Variants in WASHC2C observed in about 807,000 individuals in gnomAD.
The protein encoded by WASHC2C is WASH complex subunit 2C, also known as Vaccinia Penetration Factor.
A neutral mutation model predicts 142.2 loss-of-function variants in WASHC2C; 73 were observed. That is an observed-to-expected ratio of 0.51 (90% CI 0.43 to 0.62). WASHC2C has a LOEUF of 0.62. WASHC2C is among the 20% of genes least tolerant of loss of function. The pLI, the probability that WASHC2C is intolerant of heterozygous loss-of-function variation, is 0.00. For missense variants in WASHC2C, 969 were observed against 1,531.7 expected (o/e 0.63, Z 6.13); for synonymous variants, 337 against 565.5 (o/e 0.60, Z 5.73).
At chr10:45,784,272 A>ATATATATATATG (rs1564819860) in intron 23 of WASHC2C, among the ~76,000 whole-genome samples, 2 of 5,988 alleles carry the variant, frequency 3.3e-4, no homozygotes, top group Non-Finnish European at 4.9e-4. Flanking sequence ...ATATATATAT[A>ATATATATATATG]TATATATATA....
Position 45,750,785 on chromosome 10 carries a change from T to C in WASHC2C, c.878T>C (p.Leu293Pro), listed in dbSNP as rs2053486263. The stretch of plus-strand genomic sequence containing the variant: ...AGACCTACATCGTTTGCAGATGAGC[T>C]GGCTGCCCGCATCAAGGGGGATGCC... Reference protein sequence around the residue: ...RSRPTSFADELAARIKGDAMG... With the variant: ...RSRPTSFADEPAARIKGDAMG... The change falls in exon 10 of 31, where the codon CTG becomes CCG. Residue 293 changes from leucine (L) to proline (P), a missense_variant. Physicochemically the swap from Leu to Pro is moderately conservative, Grantham distance 98. Coordinates refer to ENST00000623400, the MANE Select transcript of WASHC2C (RefSeq NM_001330074.2). 1 of 1,548,950 alleles carries C rather than the reference T, an allele frequency of 6.5e-7. No individual in the cohort carries two copies. The highest frequency in any genetic ancestry group is 2.3e-4 in the Middle Eastern group (1 of 4,360).
chr10:45,779,063 C>T lies in WASHC2C; in HGVS notation c.2406C>T (p.Ser802=). 3.7e-6 allele frequency: 6 copies of T among 1,609,298 alleles called. No homozygotes were observed. Among genetic ancestry groups the T allele is most frequent in the Non-Finnish European group, 2.5e-6 (3 of 1,178,942 alleles). The part of the protein sequence containing the change: ...GTKPRTKTVL[S]LFDEEEDKME... ...AGCCTAGAACCAAAACTGTTCTTAGCTTGTTTGATGAGGAAGAGGATAAAA... is the reference window on the plus strand; with the variant it reads ...AGCCTAGAACCAAAACTGTTCTTAGTTTGTTTGATGAGGAAGAGGATAAAA... Residue 802 remains serine (S), a synonymous_variant, in exon 23 of 31, where the codon AGC becomes AGT. Transcript: ENST00000623400.
rs565627677 is a variant in WASHC2C, at chr10:45,727,289, C to G, written c.-29C>G. 6.4e-7 allele frequency: 1 copy of G among 1,555,408 alleles called. No individual in the cohort carries two copies. The highest frequency in any genetic ancestry group is 8.7e-7 in the Non-Finnish European group (1 of 1,151,560). ...GCGGTCCTCGGCCTGTGCTGGCAGC[C>G]TCGGAGCCCACCGAGCCGGGCGGCT... On this transcript the variant is annotated 5_prime_UTR_variant, in exon 1 of 31. Transcript: ENST00000623400.
intron 23 of WASHC2C, among the ~76,000 whole-genome samples, chr10:45,784,270 A>ATATC (rs1554888940): frequency 0.011 from 66 of 5,756 alleles, 2 homozygotes; most frequent in African/African-American, 0.019. Flanking sequence ...ATATATATAT[A>ATATC]TATATATATA....
In WASHC2C at chr10:45,750,824, A is replaced by G; in HGVS notation, c.917A>G (p.Asp306Gly). 1 of 1,548,390 alleles carries G rather than the reference A, an allele frequency of 6.5e-7. No individual in the cohort carries two copies. Among genetic ancestry groups the G allele is most frequent in the South Asian group, 1.2e-5 (1 of 83,902 alleles). The part of the protein sequence containing the change: ...RIKGDAMGRV[D>G]EEPTTLPSGE... The stretch of plus-strand genomic sequence containing the variant: ...AAGGGGGATGCCATGGGTCGAGTGG[A>G]CGAGGAGCCGACAAGTGAGCCCCAG... The change falls in exon 10 of 31, where the codon GAC becomes GGC. Residue 306 changes from aspartate to glycine, a missense_variant. Coordinates refer to ENST00000623400, the MANE Select transcript of WASHC2C (RefSeq NM_001330074.2).
chr10:45,789,627 T>A, intron 29 of WASHC2C, 136 bp downstream of exon 29: 1 of 1,465,058 alleles, frequency 6.8e-7, no homozygotes, highest in South Asian at 1.3e-5. Flanking sequence ...ATAATTAGGC[T>A]CTTTTATTAA....
intron 13 of WASHC2C, 106 bp from the exon 14 acceptor site, chr10:45,754,380 A>G: frequency 6.3e-7 from 1 of 1,576,868 alleles, no homozygotes. Context: ...GTAGTTTCAA[A>G]AGGTCTGGTA....
chr10:45,734,493 TTAA>T (rs1554863693), intron 3 of WASHC2C, among the ~76,000 whole-genome samples: 2 of 151,798 alleles, frequency 1.3e-5, no homozygotes, highest in Non-Finnish European at 2.9e-5. Flanking sequence ...CATAATTTAT[TTAA>T]TAATCTTCTA....
At chr10:45,770,977 A>G (rs1235539577) in intron 20 of WASHC2C, among the ~76,000 whole-genome samples, 1 of 152,126 alleles carries the variant, frequency 6.6e-6, no homozygotes, top group Non-Finnish European at 1.5e-5. Context: ...CTGCAGGGAA[A>G]TAGTACATTC....
chr10:45,756,636 A>G (rs1203336188), intron 15 of WASHC2C, among the ~76,000 whole-genome samples: 3 of 152,098 alleles, frequency 2.0e-5, no homozygotes, highest in African/African-American at 4.8e-5. Flanking sequence ...TTTTTAAAGC[A>G]GGAGCCAAGC....
intron 19 of WASHC2C, among the ~76,000 whole-genome samples, chr10:45,766,092 C>T (rs1441036708): frequency 4.6e-5 from 7 of 152,082 alleles, no homozygotes; most frequent in Non-Finnish European, 8.8e-5. Context: ...TCTCAGCCAT[C>T]GCTAGTTCAT....
At chr10:45,751,203 T>C (rs538659800) in intron 10 of WASHC2C, among the ~76,000 whole-genome samples, 41 of 151,882 alleles carry the variant, frequency 2.7e-4, no homozygotes, top group African/African-American at 9.9e-4. Flanking sequence ...ATTCTAGTTA[T>C]AACAGGGTAG....
In WASHC2C at chr10:45,790,378, C is replaced by G; in HGVS notation, c.3731C>G (p.Ala1244Gly). The G allele has an allele frequency of 1.2e-6, 2 of 1,609,730 alleles. No homozygotes were observed. The highest frequency in any genetic ancestry group is 3.4e-5 in the Admixed American group (2 of 59,466). Residue 1244 changes from alanine (A) to glycine (G), a missense_variant, in exon 30 of 31, where the codon GCA becomes GGA. Coordinates refer to ENST00000623400, the MANE Select transcript of WASHC2C (RefSeq NM_001330074.2). ...IFEDDIFATE[A>G]IKPSQKTREK... ...AAGGATGATATATTTGCTACGGAAG[C>G]AATTAAACCCTCTCAGAAAACCAGA...
upstream of WASHC2C, chr10:45,727,117 C>T (rs1361379827): frequency 2.1e-6 from 3 of 1,411,808 alleles, no homozygotes; most frequent in African/African-American, 3.0e-5. Context: ...GGGTAGAACC[C>T]CAAACTCCAG....
At chr10:45,758,874 C>A (rs1253454602) in intron 16 of WASHC2C, among the ~76,000 whole-genome samples, 1 of 148,554 alleles carries the variant, frequency 6.7e-6, no homozygotes, top group African/African-American at 2.5e-5. Flanking sequence ...CCCCAGCAGT[C>A]TTTAAGCCCT....
At chr10:45,744,014 TG>T (rs2052483963) in intron 6 of WASHC2C, among the ~76,000 whole-genome samples, 1 of 151,812 alleles carries the variant, frequency 6.6e-6, no homozygotes, top group South Asian at 2.1e-4. Context: ...CCCAAAGTGC[TG>T]GGATTACAAG....
intron 30 of WASHC2C, 30 bp downstream of exon 30, chr10:45,790,563 A>G (rs1414185195): frequency 6.2e-7 from 1 of 1,611,878 alleles, no homozygotes; most frequent in Non-Finnish European, 8.5e-7. Context: ...TCTGACCTAG[A>G]GAATTCTTAC....
intron 14 of WASHC2C, 97 bp downstream of exon 14, chr10:45,754,642 G>C: frequency 6.8e-6 from 8 of 1,181,846 alleles, no homozygotes; most frequent in Non-Finnish European, 9.4e-6. Context: ...AGATGAGGAA[G>C]TACCTGGGAG....
intron 4 of WASHC2C, 125 bp downstream of exon 4, chr10:45,738,170 G>A: frequency 1.9e-6 from 3 of 1,595,172 alleles, no homozygotes; most frequent in Non-Finnish European, 2.6e-6. Context: ...GCTCCTGACA[G>A]CAGCCCAAGA....
Sources: allele counts gnomAD v4.1 joint callset (sites outside exome capture counted in the v4.1 genomes callset), GRCh38; gene constraint gnomAD v4.1.1; transcripts MANE v1.5; gene names NCBI Gene and HGNC (gene_info 2026-07-23, HGNC 2026-07-21).